Variants in LIMCH1 observed in about 807,000 individuals in gnomAD.
LIMCH1 encodes LIM and calponin homology domains 1, also known as LIM and calponin homology domains-containing protein 1.
A neutral mutation model predicts 176.5 loss-of-function variants in LIMCH1; 113 were observed. The ratio of observed to expected loss-of-function variants is 0.64; its 90% CI spans 0.55 to 0.75. LIMCH1 has a LOEUF of 0.75. Among genes scored for constraint, LIMCH1 ranks in the 30% least tolerant of loss-of-function variants. The probability of loss-of-function intolerance (pLI) is 0.00; values close to 1 mark genes in which losing one functional copy is unlikely to be tolerated. For synonymous variants in LIMCH1, 619 were observed against 645.9 expected (o/e 0.96, Z 0.63); for missense variants, 1,674 against 1,814.9 (o/e 0.92, Z 1.41).
intron 1 of LIMCH1, among the ~76,000 whole-genome samples, chr4:41,411,299 T>C (rs1332148547): frequency 6.6e-6 from 1 of 152,290 alleles, no homozygotes; most frequent in East Asian, 1.9e-4. Context: ...TGCATGGCAT[T>C]CTATCTCATC....
chr4:41,661,950 T>A (rs1166194571), intron 19 of LIMCH1: 5 of 398,824 alleles, frequency 1.3e-5, no homozygotes, highest in Admixed American at 1.0e-4. Context: ...ACAGTGAGTA[T>A]AATATACTGT....
rs575409480 is a variant in LIMCH1, at chr4:41,547,876, T to A, written c.-241+9526T>A. Among the ~76,000 whole-genome samples the A allele has an allele frequency of 4.5e-4, 62 of 137,568 alleles. No individual in the cohort carries two copies. The East Asian group carries it at 0.011, about 25-fold the overall frequency. 90.2% of individuals were successfully genotyped at this position (137,568 alleles called of 152,430 possible). A position where few individuals can be genotyped will look rare whatever the true frequency, so the allele number is the denominator to read the frequency against. On this transcript the variant is annotated intron_variant, in intron 1 of 31. Coordinates refer to ENST00000503057, the MANE Select transcript of LIMCH1 (RefSeq NM_001330672.2). ...ATTTGTGTGTGTGTATATATATATATATATATATATATATATATATAAACA... is the reference window on the plus strand; with the variant it reads ...ATTTGTGTGTGTGTATATATATATAAATATATATATATATATATATAAACA...
intron 1 of LIMCH1, among the ~76,000 whole-genome samples, chr4:41,372,767 A>G (rs2054167503): frequency 6.6e-6 from 1 of 152,166 alleles, no homozygotes; most frequent in Non-Finnish European, 1.5e-5. Context: ...TACTACATAA[A>G]GCAGCACTGT....
At chr4:41,391,289 T>C (rs549137118) in intron 1 of LIMCH1, among the ~76,000 whole-genome samples, 1 of 152,340 alleles carries the variant, frequency 6.6e-6, no homozygotes, top group East Asian at 1.9e-4. Flanking sequence ...AATTACATCA[T>C]ATAGCTGGTT....
chr4:41,677,786 C>G (rs1221559905), intron 23 of LIMCH1, among the ~76,000 whole-genome samples: 1 of 152,150 alleles, frequency 6.6e-6, no homozygotes, highest in Non-Finnish European at 1.5e-5. Flanking sequence ...GTCTGGATGA[C>G]TTTAAAACTC....
At chr4:41,522,771 A>G (rs972627920) in intron 2 of LIMCH1, among the ~76,000 whole-genome samples, 1 of 152,216 alleles carries the variant, frequency 6.6e-6, no homozygotes, top group Non-Finnish European at 1.5e-5. Flanking sequence ...TTCAATTCAG[A>G]CTTCACCAGG....
At chr4:41,403,951 A>G (rs1372089687) in intron 1 of LIMCH1, among the ~76,000 whole-genome samples, 1 of 152,224 alleles carries the variant, frequency 6.6e-6, no homozygotes, top group East Asian at 1.9e-4. Flanking sequence ...TTGAGGGATA[A>G]CATATTTGAG....
At position 41,626,605 on chromosome 4, in the gene LIMCH1, C is replaced by T. The variant is rs377012350; in HGVS notation, c.726-103C>T. On this transcript the variant is annotated intron_variant, in intron 7 of 31. Transcript: ENST00000503057. ...CAGATGTCATTTGAACTAACAATAT[C>T]GAGAAGACTTTTCACTAACAACACA... 51 of 918,282 alleles carry T rather than the reference C, an allele frequency of 5.6e-5. No homozygotes were observed. In the African/African-American group the frequency reaches 6.5e-4, roughly 12 times the overall value. 56.9% of individuals were successfully genotyped at this position (918,282 alleles called of 1,614,324 possible).
At chr4:41,666,698 A>G in intron 21 of LIMCH1, 32 bp downstream of exon 21, 3 of 1,392,318 alleles carry the variant, frequency 2.2e-6, no homozygotes, top group South Asian at 1.2e-5. Context: ...TTAGGTCTGC[A>G]TGTTCTGGGC....
At chr4:41,545,049 C>T (rs2079179131) in intron 1 of LIMCH1, among the ~76,000 whole-genome samples, 1 of 152,236 alleles carries the variant, frequency 6.6e-6, no homozygotes, top group Non-Finnish European at 1.5e-5. Flanking sequence ...TGTCATAGGA[C>T]AGGCTACTTT....
chr4:41,613,766 C>T lies in LIMCH1; in HGVS notation c.205+105C>T, dbSNP rs1584876837. ...GCACTGGGAAAGCAGGCTCCATATC[C>T]ACCTTGCCGGAACTTAGTAATTCTA... On this transcript the variant is annotated intron_variant, in intron 5 of 31. Transcript: ENST00000503057. The T allele has an allele frequency of 4.3e-6, 4 of 921,292 alleles. No homozygotes were observed. The East Asian group carries it at 7.4e-5, about 17-fold the overall frequency. 57.1% of individuals were successfully genotyped at this position (921,292 alleles called of 1,614,324 possible). A position where few individuals can be genotyped will look rare whatever the true frequency, so the allele number is the denominator to read the frequency against.
In LIMCH1 at chr4:41,486,977, T is replaced by TACACACACACACACACAC. The variant is rs71927545; in HGVS notation, c.97-7551_97-7534dup. Among the ~76,000 whole-genome samples the TACACACACACACACACAC allele has an allele frequency of 4.8e-3, 671 of 138,466 alleles. 4 individuals are homozygous for TACACACACACACACACAC. Among genetic ancestry groups the TACACACACACACACACAC allele is most frequent in the African/African-American group, 9.3e-3 (355 of 38,248 alleles). 90.8% of individuals were successfully genotyped at this position (138,466 alleles called of 152,430 possible). ...ATATATATACACACACACACATACA[T>TACACACACACACACACAC]ACACACACACACACACACACACACA... On this transcript the variant is annotated intron_variant, in intron 1 of 26. Coordinates refer to the LIMCH1 transcript ENST00000313860.
At chr4:41,539,405 C>T (rs2078342000) in intron 1 of LIMCH1, among the ~76,000 whole-genome samples, 1 of 152,160 alleles carries the variant, frequency 6.6e-6, no homozygotes, top group Non-Finnish European at 1.5e-5. Context: ...GTGTCAGCAG[C>T]CAGCCTTTGA....
rs1164993512 is a variant in LIMCH1, at chr4:41,650,445, A to G, written c.2873A>G (p.Lys958Arg). Reference sequence around the variant, plus strand: ...GAGACGGTTCATAGAGAGGAGGAGAAGGAAAGAGAGTGTCCCACGGTGGCA... The same window carrying G: ...GAGACGGTTCATAGAGAGGAGGAGAGGGAAAGAGAGTGTCCCACGGTGGCA... ...NGETVHREEE[K>R]ERECPTVAPA... Residue 958 changes from lysine (K) to arginine (R), a missense_variant, in exon 18 of 32, where the codon AAG (lysine) becomes AGG (arginine). Coordinates refer to ENST00000503057, the MANE Select transcript of LIMCH1 (RefSeq NM_001330672.2). 2.5e-6 allele frequency: 4 copies of G among 1,614,054 alleles called. No individual in the cohort carries two copies. The South Asian group carries it at 3.3e-5, about 13-fold the overall frequency.
At chr4:41,491,196 G>A (rs1352991436) in intron 1 of LIMCH1, among the ~76,000 whole-genome samples, 6 of 140,564 alleles carry the variant, frequency 4.3e-5, no homozygotes, top group African/African-American at 1.1e-4. Context: ...CATCCCAGAC[G>A]AAGAGTGGCC....
In LIMCH1 at chr4:41,539,027, C is replaced by G. The variant is rs185271525; in HGVS notation, c.-241+677C>G. 3.5e-4 allele frequency among the ~76,000 whole-genome samples: 53 copies of G among 152,226 alleles called. 1 individual carries two copies. In the East Asian group the frequency reaches 8.9e-3, roughly 26 times the overall value. ...AAATCCCGTCAGACCCGTCTGAATG[C>G]TAAACGTTCCATGGCACTGGTTATC... On this transcript the variant is annotated intron_variant, in intron 1 of 31. Transcript: ENST00000503057.
chr4:41,482,421 T>C (rs894673718), intron 1 of LIMCH1, among the ~76,000 whole-genome samples: 3 of 152,026 alleles, frequency 2.0e-5, no homozygotes, highest in African/African-American at 7.2e-5. Context: ...TCCCTAAGGC[T>C]GTGGAGGAAG....
chr4:41,527,994 A>T (rs1291542665), intron 3 of LIMCH1, among the ~76,000 whole-genome samples: 1 of 152,200 alleles, frequency 6.6e-6, no homozygotes, highest in African/African-American at 2.4e-5. Context: ...ATTTGAATAT[A>T]AATTGAGTAT....
chr4:41,442,391 C>G (rs1453581892), intron 1 of LIMCH1, among the ~76,000 whole-genome samples: 1 of 152,214 alleles, frequency 6.6e-6, no homozygotes, highest in Admixed American at 6.5e-5. Flanking sequence ...ACGAAAAACA[C>G]AAGTTTGGCC....
Sources: allele counts gnomAD v4.1 joint callset (sites outside exome capture counted in the v4.1 genomes callset), GRCh38; gene constraint gnomAD v4.1.1; transcripts MANE v1.5; gene names NCBI Gene and HGNC (gene_info 2026-07-23, HGNC 2026-07-21).